The following CNTNAP2 variants were observed in gnomAD, a reference collection of about 807,000 sequenced individuals.
CNTNAP2 encodes contactin-associated protein-like 2.
CNTNAP2 carries 98 observed loss-of-function variants against 155.2 expected under a neutral mutation model. The observed-to-expected ratio is 0.63, with a 90% CI of 0.54 to 0.75. The LOEUF (loss-of-function observed/expected upper bound fraction) is 0.75, where lower values mean the gene tolerates loss of function less well. CNTNAP2 is among the 30% of genes least tolerant of loss of function. CNTNAP2 has a pLI of 0.00. For synonymous variants in CNTNAP2, 651 were observed against 631.2 expected (o/e 1.03, Z -0.47); for missense variants, 1,727 against 1,688.1 (o/e 1.02, Z -0.40).
At chr7:148,050,059 G>C (rs1802857938) in intron 15 of CNTNAP2, among the ~76,000 whole-genome samples, 1 of 152,146 alleles carries the variant, frequency 6.6e-6, no homozygotes, top group African/African-American at 2.4e-5. Context: ...CTACTCGGAA[G>C]GCTGAGGCAG....
chr7:147,225,822 GGAAAGAAGGAAGGAAGGAGGGAAA>G (rs1563123801), intron 8 of CNTNAP2, among the ~76,000 whole-genome samples: 7 of 108,178 alleles, frequency 6.5e-5, no homozygotes, highest in African/African-American at 1.4e-4. Flanking sequence ...AAGGAAAGAA[GGAAAGAAGGAAGGAAGGAGGGAAA>G]GAAGGAAGGA....
chr7:148,283,309 AAGG>A (rs760858322), intron 21 of CNTNAP2, among the ~76,000 whole-genome samples: 1,813 of 72,936 alleles, frequency 0.025, 66 homozygotes, highest in Non-Finnish European at 0.029. Context: ...GAAAGAAAGG[AAGG>A]AAGGAAGGAA....
intron 15 of CNTNAP2, among the ~76,000 whole-genome samples, chr7:148,100,275 A>G (rs1483485760): frequency 6.6e-6 from 1 of 152,142 alleles, no homozygotes; most frequent in Non-Finnish European, 1.5e-5. Context: ...AAATAAATCA[A>G]TGAACGAAAC....
At chr7:146,605,919 A>G (rs2129152912) in intron 1 of CNTNAP2, among the ~76,000 whole-genome samples, 1 of 152,322 alleles carries the variant, frequency 6.6e-6, no homozygotes, top group East Asian at 1.9e-4. Context: ...CTCAACATTT[A>G]TCATGTTGAG....
intron 10 of CNTNAP2, among the ~76,000 whole-genome samples, chr7:147,429,352 T>G (rs1797430616): frequency 6.6e-6 from 1 of 152,134 alleles, no homozygotes; most frequent in South Asian, 2.1e-4. Context: ...GAGCAAGTTT[T>G]CATATATTTG....
intron 9 of CNTNAP2, among the ~76,000 whole-genome samples, chr7:147,395,043 C>T (rs1796789761): frequency 6.6e-6 from 1 of 151,342 alleles, no homozygotes; most frequent in Non-Finnish European, 1.5e-5. Flanking sequence ...CTAATGTTCC[C>T]TTAGATTTTA....
At chr7:147,975,688 A>G (rs565143745) in intron 14 of CNTNAP2, among the ~76,000 whole-genome samples, 172 of 152,322 alleles carry the variant, frequency 1.1e-3, no homozygotes, top group African/African-American at 4.0e-3. Context: ...TCACTGTTAC[A>G]ATAAATAAAT....
At chr7:146,321,423 A>G (rs1377178441) in intron 1 of CNTNAP2, among the ~76,000 whole-genome samples, 1 of 152,188 alleles carries the variant, frequency 6.6e-6, no homozygotes, top group Admixed American at 6.5e-5. Context: ...GAGAGAACTC[A>G]CTGTGTGGAT....
intron 15 of CNTNAP2, among the ~76,000 whole-genome samples, chr7:148,101,840 A>G (rs964582557): frequency 6.6e-6 from 1 of 152,184 alleles, no homozygotes; most frequent in African/African-American, 2.4e-5. Flanking sequence ...GGGAAGCTAT[A>G]ATCTTTGCTT....
chr7:147,267,157 G>A (rs1266312348), intron 8 of CNTNAP2, among the ~76,000 whole-genome samples: 1 of 152,186 alleles, frequency 6.6e-6, no homozygotes, highest in African/African-American at 2.4e-5. Flanking sequence ...TAGAATAAAT[G>A]TATGTCATAT....
intron 13 of CNTNAP2, among the ~76,000 whole-genome samples, chr7:147,682,308 C>A (rs571957862): frequency 6.6e-6 from 1 of 151,760 alleles, no homozygotes; most frequent in African/African-American, 2.4e-5. Flanking sequence ...GTTTCTGAAG[C>A]CTAAAATATA....
chr7:147,126,720 G>A (rs969932082), intron 6 of CNTNAP2, among the ~76,000 whole-genome samples: 5 of 152,104 alleles, frequency 3.3e-5, no homozygotes, highest in African/African-American at 1.2e-4. Context: ...TGATCCACCC[G>A]CCTTGGCCTC....
At chr7:148,389,103 G>A (rs752819363) in intron 22 of CNTNAP2, among the ~76,000 whole-genome samples, 11 of 152,296 alleles carry the variant, frequency 7.2e-5, no homozygotes, top group East Asian at 1.9e-4. Flanking sequence ...CTTCTGCGTC[G>A]CTCATGCTGG....
Position 147,242,987 on chromosome 7 carries a change from ATT to A in CNTNAP2, c.1349-57126_1349-57125del, listed in dbSNP as rs766917054. On this transcript the variant is annotated intron_variant, in intron 8 of 23. Coordinates refer to ENST00000361727, the MANE Select transcript of CNTNAP2 (RefSeq NM_014141.6). The stretch of plus-strand genomic sequence containing the variant: ...TGTTGTATTCCACACTATGCTTTGC[ATT>A]TTTTTTTTTTTTTTTTTTTTTTTTT... Among the ~76,000 whole-genome samples, 441 of 47,088 alleles carry A rather than the reference ATT, an allele frequency of 9.4e-3. 2 individuals carry two copies. Among genetic ancestry groups the A allele is most frequent in the African/African-American group, 0.015 (172 of 11,718 alleles). 30.9% of individuals were successfully genotyped at this position (47,088 alleles called of 152,430 possible).
chr7:147,554,728 A>G (rs899560195), intron 11 of CNTNAP2, among the ~76,000 whole-genome samples: 5 of 152,182 alleles, frequency 3.3e-5, no homozygotes, highest in African/African-American at 4.8e-5. Flanking sequence ...ATTAGCATAC[A>G]GAATATCTGT....
intron 2 of CNTNAP2, among the ~76,000 whole-genome samples, chr7:146,787,158 A>C (rs1006404449): frequency 6.6e-6 from 1 of 152,178 alleles, no homozygotes; most frequent in Non-Finnish European, 1.5e-5. Context: ...ATCTACTCTT[A>C]AGATGATGAA....
intron 1 of CNTNAP2, among the ~76,000 whole-genome samples, chr7:146,480,051 C>T (rs1004032326): frequency 1.2e-4 from 18 of 152,152 alleles, no homozygotes; most frequent in African/African-American, 4.3e-4. Context: ...TCCCAAAATG[C>T]TGGGATTACA....
rs368899478 is a variant in CNTNAP2 at position 146,488,363 on chromosome 7, G to T, written c.98-285908G>T. Among the ~76,000 whole-genome samples the T allele has an allele frequency of 4.7e-5, 7 of 148,122 alleles. No homozygotes were observed. The South Asian group carries it at 6.6e-4, about 14-fold the overall frequency. ...TAATGTGTGTATTTATTATTCAAGA[G>T]TTATAAGTAGATATTAATTATATCA... On this transcript the variant is annotated intron_variant, in intron 1 of 23. Coordinates refer to ENST00000361727, the MANE Select transcript of CNTNAP2 (RefSeq NM_014141.6).
intron 11 of CNTNAP2, among the ~76,000 whole-genome samples, chr7:147,537,667 T>C (rs768857144): frequency 5.9e-5 from 9 of 152,188 alleles, no homozygotes; most frequent in Non-Finnish European, 1.2e-4. Context: ...ATCTAGATCA[T>C]GTGGACTTTT....
Sources: gnomAD v4.1 joint callset for allele counts (sites outside exome capture counted in the v4.1 genomes callset) on GRCh38, gnomAD v4.1.1 for gene constraint, MANE v1.5 for transcripts, NCBI Gene and HGNC (gene_info 2026-07-23, HGNC 2026-07-21) for gene names.